TRPM3: variants seen among roughly 807,000 people sequenced by gnomAD.
TRPM3 encodes the protein transient receptor potential cation channel subfamily M member 3.
TRPM3 carries 77 observed loss-of-function variants against 181.2 expected under a neutral mutation model. The observed-to-expected ratio is 0.42, with a 90% CI of 0.35 to 0.51. TRPM3 has a LOEUF of 0.51. TRPM3 is among the 20% of genes least tolerant of loss of function. The pLI is 0.01. For synonymous variants in TRPM3, 745 were observed against 796.4 expected (o/e 0.94, Z 1.09); for missense variants, 1,759 against 2,196.7 (o/e 0.80, Z 3.98).
At chr9:70,840,242 A>G (rs185043225) in intron 5 of TRPM3, among the ~76,000 whole-genome samples, 60 of 152,308 alleles carry the variant, frequency 3.9e-4, no homozygotes, top group Non-Finnish European at 8.1e-4. Context: ...GAGAAATCTT[A>G]GGTATATTCT....
Position 70,536,014 on chromosome 9 carries a change from A to G in TRPM3, c.5099T>C (p.Leu1700Pro). ...SSKPEGRGDSLSMRRLSRTSA... is the reference protein window; with the variant it reads ...SSKPEGRGDSPSMRRLSRTSA... ...TGTTCTGGACAGTCTCCTCATGGAC[A>G]GGCTGTCCCCTCGGCCCTCCGGCTT... is the stretch of plus-strand genomic sequence containing the variant. Residue 1700 changes from leucine (L) to proline (P), a missense_variant, in exon 26 of 26, where the codon CTG (leucine) becomes CCG (proline). Transcript: ENST00000677713. 6.2e-7 allele frequency: 1 copy of G among 1,613,934 alleles called. No homozygotes were observed. The highest frequency in any genetic ancestry group is 8.5e-7 in the Non-Finnish European group (1 of 1,179,906).
At chr9:71,214,901 G>A (rs1233526988) in intron 1 of TRPM3, among the ~76,000 whole-genome samples, 2 of 151,904 alleles carry the variant, frequency 1.3e-5, no homozygotes, top group Non-Finnish European at 2.9e-5. Context: ...GCTTCCCTGA[G>A]TCCTTACACT....
rs2041038296 is a variant in TRPM3 at position 70,532,596 on chromosome 9, G to A, written c.*3357C>T. On this transcript the variant is annotated 3_prime_UTR_variant, in exon 26 of 26. Transcript: ENST00000677713. ...TCTAACTATAAATATAAAGTATATT[G>A]GTTAAGCAGGAGACCTCCATGGTCA... The A allele has an allele frequency of 6.6e-6, 1 of 152,016 alleles. No homozygotes were observed. Among genetic ancestry groups the A allele is most frequent in the Non-Finnish European group, 1.5e-5 (1 of 68,020 alleles). 9.4% of individuals were successfully genotyped at this position (152,016 alleles called of 1,614,324 possible).
chr9:71,384,525 T>G (rs1034064450), intron 1 of TRPM3, among the ~76,000 whole-genome samples: 1 of 152,218 alleles, frequency 6.6e-6, no homozygotes, highest in Non-Finnish European at 1.5e-5. Flanking sequence ...CTCTGGCACA[T>G]TTGATGGTGT....
chr9:70,548,196 A>G (rs2045543620), intron 25 of TRPM3, among the ~76,000 whole-genome samples: 1 of 152,190 alleles, frequency 6.6e-6, no homozygotes, highest in African/African-American at 2.4e-5. Context: ...TAGCTTTCTC[A>G]AGGTCTCAGA....
chr9:70,575,133 A>G (rs2053603075), intron 22 of TRPM3, among the ~76,000 whole-genome samples: 1 of 141,552 alleles, frequency 7.1e-6, no homozygotes, highest in South Asian at 2.2e-4. Context: ...TTTTGTAGAG[A>G]CAGGGTCTTC....
intron 1 of TRPM3, among the ~76,000 whole-genome samples, chr9:71,041,623 C>G (rs1306326202): frequency 6.6e-6 from 1 of 152,160 alleles, no homozygotes; most frequent in Non-Finnish European, 1.5e-5. Context: ...AAAGACCAGA[C>G]TCAGGTACGA....
At chr9:70,791,759 T>C (rs1198579058) in intron 6 of TRPM3, among the ~76,000 whole-genome samples, 1 of 152,142 alleles carries the variant, frequency 6.6e-6, no homozygotes, top group African/African-American at 2.4e-5. Context: ...TGGTGCATAG[T>C]GTATCTTTTC....
intron 4 of TRPM3, among the ~76,000 whole-genome samples, 177 bp from the exon 5 acceptor site, chr9:70,843,304 G>T (rs987395259): frequency 1.3e-5 from 2 of 152,140 alleles, no homozygotes; most frequent in Non-Finnish European, 2.9e-5. Context: ...TGGCTGTAAT[G>T]CCAGATGCAT....
At chr9:71,221,313 G>A (rs1565355742) in intron 1 of TRPM3, among the ~76,000 whole-genome samples, 1 of 152,104 alleles carries the variant, frequency 6.6e-6, no homozygotes, top group Non-Finnish European at 1.5e-5. Context: ...TCATCCTACA[G>A]CAGAACTGTG....
At chr9:71,424,161 CAG>C (rs1369352621) in intron 1 of TRPM3, among the ~76,000 whole-genome samples, 1 of 152,150 alleles carries the variant, frequency 6.6e-6, no homozygotes. Flanking sequence ...TAATTCAGCA[CAG>C]AGTTGGCCTT....
At chr9:70,913,471 A>G (rs1020481988) in intron 1 of TRPM3, among the ~76,000 whole-genome samples, 17 of 152,234 alleles carry the variant, frequency 1.1e-4, no homozygotes, top group Non-Finnish European at 2.2e-4. Flanking sequence ...TTAAACAGAA[A>G]GGAAGGCCAT....
At chr9:71,058,662 C>T (rs1233633932) in intron 1 of TRPM3, among the ~76,000 whole-genome samples, 3 of 152,080 alleles carry the variant, frequency 2.0e-5, no homozygotes, top group South Asian at 4.1e-4. Context: ...ATAGACATAA[C>T]GCCATAAGTC....
intron 1 of TRPM3, among the ~76,000 whole-genome samples, chr9:71,432,608 G>A (rs1165183528): frequency 2.0e-5 from 3 of 151,898 alleles, no homozygotes; most frequent in Non-Finnish European, 2.9e-5. Flanking sequence ...ATTTAGTGTG[G>A]GAGTATCTAA....
intron 1 of TRPM3, among the ~76,000 whole-genome samples, chr9:71,378,274 C>A (rs548361325): frequency 6.6e-6 from 1 of 152,058 alleles, no homozygotes; most frequent in Non-Finnish European, 1.5e-5. Flanking sequence ...TATATACACA[C>A]TGAAATGCCA....
intron 1 of TRPM3, among the ~76,000 whole-genome samples, chr9:71,150,455 A>G (rs753886750): frequency 6.6e-6 from 1 of 152,138 alleles, no homozygotes; most frequent in Non-Finnish European, 1.5e-5. Context: ...TTGAACAAGC[A>G]CCAATCTTAG....
intron 1 of TRPM3, among the ~76,000 whole-genome samples, chr9:71,189,985 C>T (rs2077913920): frequency 6.6e-6 from 1 of 151,882 alleles, no homozygotes; most frequent in Non-Finnish European, 1.5e-5. Flanking sequence ...GAAAAATCTG[C>T]CACATCAACA....
chr9:70,934,852 A>G (rs968477929), intron 1 of TRPM3, among the ~76,000 whole-genome samples: 2 of 152,046 alleles, frequency 1.3e-5, no homozygotes, highest in African/African-American at 4.8e-5. Context: ...GAATTGCGCA[A>G]TGGAATGACC....
intron 1 of TRPM3, among the ~76,000 whole-genome samples, chr9:71,159,660 C>T (rs994794616): frequency 6.6e-6 from 1 of 152,084 alleles, no homozygotes; most frequent in Non-Finnish European, 1.5e-5. Flanking sequence ...TGAAAAATAG[C>T]TTATACCTGT....
Sources: gnomAD v4.1 joint callset for allele counts (sites outside exome capture counted in the v4.1 genomes callset) on GRCh38, gnomAD v4.1.1 for gene constraint, MANE v1.5 for transcripts, NCBI Gene and HGNC (gene_info 2026-07-23, HGNC 2026-07-21) for gene names.